UCHL5: variants seen among roughly 807,000 people sequenced by gnomAD.
UCHL5 encodes ubiquitin carboxyl-terminal hydrolase isozyme L5.
A neutral mutation model predicts 53.8 loss-of-function variants in UCHL5; 34 were observed. That is an observed-to-expected ratio of 0.63 (90% CI 0.48 to 0.84). The LOEUF (loss-of-function observed/expected upper bound fraction) is 0.84. UCHL5 is among the 40% of genes least tolerant of loss of function. The pLI is 0.00. For missense variants in UCHL5, 290 were observed against 385.6 expected (o/e 0.75, Z 2.08); for synonymous variants, 111 against 126.3 (o/e 0.88, Z 0.81).
At chr1:193,056,675 C>A (rs1376006743) in intron 1 of UCHL5, among the ~76,000 whole-genome samples, 1 of 152,176 alleles carries the variant, frequency 6.6e-6, no homozygotes, top group Non-Finnish European at 1.5e-5. Context: ...ATCTACAATT[C>A]ATTTCCCTTT....
At chr1:193,018,878 A>T in intron 10 of UCHL5, 2 of 1,484,822 alleles carry the variant, frequency 1.3e-6, no homozygotes, top group Non-Finnish European at 1.8e-6. Flanking sequence ...TGAATTCTAT[A>T]GGTAATTTTT....
At chr1:193,026,811 A>G (rs1659422857) in intron 7 of UCHL5, among the ~76,000 whole-genome samples, 1 of 152,208 alleles carries the variant, frequency 6.6e-6, no homozygotes, top group South Asian at 2.1e-4. Flanking sequence ...CGTTTATTGT[A>G]GCTTTATTCT....
intron 3 of UCHL5, among the ~76,000 whole-genome samples, chr1:193,030,527 C>T (rs1324166692): frequency 1.3e-5 from 2 of 152,200 alleles, no homozygotes; most frequent in Non-Finnish European, 2.9e-5. Context: ...TTCTTCCACA[C>T]TGCCTAAGCA....
upstream of UCHL5, chr1:193,059,530 C>T (rs763767679): frequency 1.0e-5 from 16 of 1,564,850 alleles, no homozygotes; most frequent in Non-Finnish European, 1.4e-5. The surrounding 1 kb of genome is among the most constrained non-coding windows in gnomAD (Gnocchi z 4.9). Flanking sequence ...GAAGAAAGGG[C>T]GGTGATTCAC....
Position 193,049,801 on chromosome 1 carries a change from G to C in UCHL5, c.191C>G (p.Pro64Arg). The C allele has an allele frequency of 6.2e-7, 1 of 1,612,682 alleles. No individual in the cohort carries two copies. Among genetic ancestry groups the C allele is most frequent in the East Asian group, 2.2e-5 (1 of 44,854 alleles). The stretch of plus-strand genomic sequence containing the variant: ...GGAGTCCTGAACCACAGAGCCTGCT[G>C]GTTCTTCTCCTGGCTGCCACTTGAA... ...FLFKWQPGEE[P>R]AGSVVQDSRL... Residue 64 changes from proline to arginine, a missense_variant, in exon 3 of 11, where the codon CCA (proline) becomes CGA (arginine). Physicochemically the swap from Pro to Arg is moderately radical, Grantham distance 103. Transcript: ENST00000367454.
chr1:193,024,953 C>T (rs367618375), intron 7 of UCHL5, among the ~76,000 whole-genome samples: 2 of 151,976 alleles, frequency 1.3e-5, no homozygotes, highest in South Asian at 2.1e-4. Context: ...AACTAAAAAC[C>T]CTGGACATAA....
At chr1:193,059,802 G>C (rs897466973), upstream of UCHL5, 22 of 1,356,782 alleles carry the variant, frequency 1.6e-5, no homozygotes, top group Non-Finnish European at 2.1e-5. The surrounding 1 kb of genome is among the most constrained non-coding windows in gnomAD (Gnocchi z 4.9). Flanking sequence ...GAGGCCGGCT[G>C]GGAGCCTTTT....
chr1:193,017,215 G>C (rs1005702812), intron 10 of UCHL5, among the ~76,000 whole-genome samples: 1 of 151,872 alleles, frequency 6.6e-6, no homozygotes, highest in East Asian at 1.9e-4. Context: ...ATTTCTAAAA[G>C]CAAGATTTTA....
At chr1:193,059,660 T>C (rs768809409), upstream of UCHL5, 21 of 1,377,118 alleles carry the variant, frequency 1.5e-5, no homozygotes, top group Non-Finnish European at 2.0e-5. The surrounding 1 kb of genome is among the most constrained non-coding windows in gnomAD (Gnocchi z 4.9). Context: ...AGTGGGGCTG[T>C]TGCTGTTGCT....
intron 3 of UCHL5, among the ~76,000 whole-genome samples, chr1:193,032,587 G>A (rs1414450474): frequency 6.6e-6 from 1 of 152,094 alleles, no homozygotes; most frequent in African/African-American, 2.4e-5. Flanking sequence ...AGAGTGAACG[G>A]GCAACCTACA....
chr1:193,059,453 T>TAG (rs776785054), upstream of UCHL5: 1 of 1,609,152 alleles, frequency 6.2e-7, no homozygotes, highest in Non-Finnish European at 8.5e-7. The surrounding 1 kb of genome is among the most constrained non-coding windows in gnomAD (Gnocchi z 4.9). Flanking sequence ...CTAGCCACCC[T>TAG]AGAGACATCG....
intron 9 of UCHL5, among the ~76,000 whole-genome samples, chr1:193,022,034 G>A (rs898210918): frequency 7.9e-5 from 12 of 151,936 alleles, no homozygotes; most frequent in African/African-American, 2.7e-4. Flanking sequence ...TATAAAGATG[G>A]GTAATTTACT....
rs1207904135 is a variant in UCHL5 at position 193,029,668 on chromosome 1, T to C, written c.247-11A>G. On this transcript the variant is annotated splice_polypyrimidine_tract_variant and intron_variant, in intron 3 of 10. Transcript: ENST00000367454. ...AGCATTATTAATTACCTATAAAATA[T>C]AAAAGTGAAGATATCAATGTGTTTA... The C allele has an allele frequency of 8.2e-6, 13 of 1,576,486 alleles. No individual in the cohort carries two copies. The highest frequency in any genetic ancestry group is 1.1e-5 in the Non-Finnish European group (13 of 1,165,318).
At chr1:193,041,494 G>A (rs993434378) in intron 3 of UCHL5, among the ~76,000 whole-genome samples, 3 of 152,174 alleles carry the variant, frequency 2.0e-5, no homozygotes, top group African/African-American at 7.2e-5. Flanking sequence ...GTTATAATAT[G>A]TGGCTTTGTA....
At chr1:193,042,312 G>T (rs967334103) in intron 3 of UCHL5, among the ~76,000 whole-genome samples, 1 of 152,132 alleles carries the variant, frequency 6.6e-6, no homozygotes, top group Non-Finnish European at 1.5e-5. Flanking sequence ...ACAGAAGGAA[G>T]TAACATAGAT....
chr1:193,059,958 C>G, upstream of UCHL5: 4 of 1,366,490 alleles, frequency 2.9e-6, no homozygotes, highest in Non-Finnish European at 2.9e-6. The surrounding 1 kb of genome is among the most constrained non-coding windows in gnomAD (Gnocchi z 4.9). Context: ...ACGGAACCAG[C>G]ATCGCGGTAG....
rs193198438 is a variant in UCHL5, at chr1:193,016,117, A to C, written c.*234T>G. 2 of 445,230 alleles carry C rather than the reference A, an allele frequency of 4.5e-6. No individual in the cohort carries two copies. Among genetic ancestry groups the C allele is most frequent in the East Asian group, 3.7e-5 (1 of 26,764 alleles). 27.6% of individuals were successfully genotyped at this position (445,230 alleles called of 1,614,324 possible). ...CTAACAGTTGTCAGACTCAATGTCA[A>C]ATAATGGAATTTGGGAAAGCATTCT... On this transcript the variant is annotated 3_prime_UTR_variant, in exon 11 of 11. Transcript: ENST00000367454.
In UCHL5 at chr1:193,023,940, A is replaced by C. The variant is rs762268546; in HGVS notation, c.636T>G (p.Ser212Arg). The change falls in exon 8 of 11, where the codon AGT becomes AGG. Residue 212 changes from serine to arginine, a missense_variant. By Grantham distance (110) the Ser-to-Arg change is moderately radical. Coordinates refer to ENST00000367454, the MANE Select transcript of UCHL5 (RefSeq NM_001199261.3). Reference sequence around the variant, plus strand: ...TTAAATTAAATCGAATTTCACCTTCACTGTACCTAGAAGAAAATTATTTAA... The same window carrying C: ...TTAAATTAAATCGAATTTCACCTTCCCTGTACCTAGAAGAAAATTATTTAA... ...PVIEKRIQKY[S>R]EGEIRFNLMA... 6.2e-7 allele frequency: 1 copy of C among 1,602,318 alleles called. No homozygotes were observed. Among genetic ancestry groups the C allele is most frequent in the Non-Finnish European group, 8.5e-7 (1 of 1,172,168 alleles).
At chr1:193,052,523 T>C (rs1669377077) in intron 1 of UCHL5, among the ~76,000 whole-genome samples, 1 of 152,134 alleles carries the variant, frequency 6.6e-6, no homozygotes, top group African/African-American at 2.4e-5. Context: ...GCCCAAAATA[T>C]CAACAGTGCC....
Sources: gnomAD v4.1 joint callset for allele counts (sites outside exome capture counted in the v4.1 genomes callset) on GRCh38, gnomAD v4.1.1 for gene constraint, Gnocchi (gnomAD v3.1) non-coding constraint, MANE v1.5 for transcripts, NCBI Gene and HGNC (gene_info 2026-07-23, HGNC 2026-07-21) for gene names.